CSMD1: variants seen among roughly 807,000 people sequenced by gnomAD.
CSMD1 encodes the protein CUB and Sushi multiple domains 1.
A neutral mutation model predicts 417.5 loss-of-function variants in CSMD1; 213 were observed. The ratio of observed to expected loss-of-function variants is 0.51; its 90% CI spans 0.46 to 0.57. CSMD1 has a LOEUF of 0.57. Among genes scored for constraint, CSMD1 ranks in the 20% least tolerant of loss-of-function variants. The pLI is 0.00. For missense variants in CSMD1, 6,923 were observed against 4,529.7 expected (o/e 1.53, Z -15.17); for synonymous variants, 2,862 against 1,736.8 (o/e 1.65, Z -16.11).
intron 5 of CSMD1, among the ~76,000 whole-genome samples, chr8:3,965,507 T>G (rs892631904): frequency 3.3e-5 from 5 of 152,186 alleles, no homozygotes; most frequent in Non-Finnish European, 5.9e-5. Context: ...GTTGAAAAAC[T>G]ATGGTTCGGC....
intron 49 of CSMD1, among the ~76,000 whole-genome samples, chr8:3,086,464 T>C (rs906202161): frequency 6.6e-6 from 1 of 152,154 alleles, no homozygotes; most frequent in Admixed American, 6.5e-5. Flanking sequence ...ATATGAGCTT[T>C]CACTCATAAA....
At chr8:4,156,426 G>C (rs1284015953) in intron 3 of CSMD1, among the ~76,000 whole-genome samples, 4 of 152,126 alleles carry the variant, frequency 2.6e-5, no homozygotes, top group African/African-American at 4.8e-5. Flanking sequence ...GTACTGACTT[G>C]AGAAAGAAAG....
At chr8:3,384,714 AT>A (rs1360271041) in intron 18 of CSMD1, among the ~76,000 whole-genome samples, 1 of 63,518 alleles carries the variant, frequency 1.6e-5, no homozygotes, top group African/African-American at 7.9e-5. Flanking sequence ...ATATAAATAT[AT>A]TTATAATATT....
chr8:3,015,894 G>C (rs1563239931), intron 52 of CSMD1, among the ~76,000 whole-genome samples: 1 of 152,168 alleles, frequency 6.6e-6, no homozygotes, highest in African/African-American at 2.4e-5. Flanking sequence ...TAGCCAGGCA[G>C]AACTAAGGCA....
intron 7 of CSMD1, among the ~76,000 whole-genome samples, chr8:3,700,087 G>C (rs374258203): frequency 6.6e-6 from 1 of 152,064 alleles, no homozygotes; most frequent in African/African-American, 2.4e-5. Flanking sequence ...ATGATACAAA[G>C]GGCTCTGTGG....
intron 24 of CSMD1, 149 bp downstream of exon 24, chr8:3,308,163 G>GACA: frequency 1.5e-6 from 1 of 649,622 alleles, no homozygotes; most frequent in Non-Finnish European, 2.6e-6. Context: ...CACACTCACA[G>GACA]ACACGTGCAA....
chr8:4,006,396 T>C (rs1749395333), intron 4 of CSMD1, among the ~76,000 whole-genome samples: 2 of 152,042 alleles, frequency 1.3e-5, no homozygotes, highest in Admixed American at 1.3e-4. Flanking sequence ...ATACAAAAAA[T>C]AGCTGGGTGT....
chr8:4,571,893 T>C (rs957792338), intron 2 of CSMD1, among the ~76,000 whole-genome samples: 4 of 152,218 alleles, frequency 2.6e-5, no homozygotes, highest in Non-Finnish European at 5.9e-5. Flanking sequence ...CTTGTCTTTT[T>C]GGATCTTTGT....
At chr8:3,556,140 C>G (rs1799130851) in intron 10 of CSMD1, among the ~76,000 whole-genome samples, 1 of 151,974 alleles carries the variant, frequency 6.6e-6, no homozygotes, top group Non-Finnish European at 1.5e-5. Context: ...AACAGAGGAA[C>G]TATTCAGAAT....
chr8:4,580,366 G>A (rs931569151), intron 2 of CSMD1, among the ~76,000 whole-genome samples: 5 of 152,022 alleles, frequency 3.3e-5, no homozygotes, highest in African/African-American at 4.8e-5. Context: ...CATTTTCATC[G>A]CAGTGTTGAC....
chr8:3,767,861 T>C (rs139996000), intron 5 of CSMD1, among the ~76,000 whole-genome samples: 201 of 152,268 alleles, frequency 1.3e-3, no homozygotes, highest in African/African-American at 4.6e-3. Context: ...GATAAATAAA[T>C]ACGTCTATTT....
intron 1 of CSMD1, among the ~76,000 whole-genome samples, chr8:4,667,336 G>C (rs1267547928): frequency 6.6e-6 from 1 of 151,844 alleles, no homozygotes; most frequent in African/African-American, 2.4e-5. Flanking sequence ...GGCCATTCTA[G>C]ATTCTCTGCT....
intron 1 of CSMD1, among the ~76,000 whole-genome samples, chr8:4,724,413 C>G (rs1326045111): frequency 6.6e-6 from 1 of 151,834 alleles, no homozygotes; most frequent in African/African-American, 2.4e-5. Flanking sequence ...AAAGTAAAAT[C>G]AGACTTAAAT....
At chr8:4,687,808 C>A (rs576078334) in intron 1 of CSMD1, among the ~76,000 whole-genome samples, 1 of 146,172 alleles carries the variant, frequency 6.8e-6, no homozygotes, top group East Asian at 2.1e-4. Flanking sequence ...CATGCACAGA[C>A]AGATACACAC....
At chr8:4,553,623 T>G (rs1585241043) in intron 2 of CSMD1, among the ~76,000 whole-genome samples, 1 of 152,160 alleles carries the variant, frequency 6.6e-6, no homozygotes, top group African/African-American at 2.4e-5. Context: ...CCAGCTTAGC[T>G]CTACCAATAT....
intron 3 of CSMD1, among the ~76,000 whole-genome samples, chr8:4,305,305 G>C (rs1025385550): frequency 4.6e-5 from 7 of 152,250 alleles, no homozygotes; most frequent in Non-Finnish European, 7.3e-5. Context: ...CGCTAGGAGA[G>C]AGTCAGGCCG....
chr8:3,563,358 T>C (rs904504869), intron 10 of CSMD1, among the ~76,000 whole-genome samples: 9 of 150,726 alleles, frequency 6.0e-5, no homozygotes, highest in African/African-American at 2.2e-4. Context: ...TCATTACTAT[T>C]GTATTTAAGT....
Position 3,732,955 on chromosome 8 carries a change from TTACC to T in CSMD1, c.931+20971_931+20974del, listed in dbSNP as rs1796341141. Among the ~76,000 whole-genome samples the T allele has an allele frequency of 2.6e-5, 4 of 152,134 alleles. 1 individual carries two copies. The highest frequency in any genetic ancestry group is 4.8e-5 in the African/African-American group (2 of 41,414). On this transcript the variant is annotated intron_variant, in intron 6 of 69. Transcript: ENST00000635120. ...ATCTATCCATTATCTATCTATCTAC[TTACC>T]TACCTACCTATCTACCAACCTACCT... is the stretch of plus-strand genomic sequence containing the variant.
chr8:4,062,317 A>G (rs1318190203), intron 3 of CSMD1, among the ~76,000 whole-genome samples: 1 of 152,034 alleles, frequency 6.6e-6, no homozygotes, highest in African/African-American at 2.4e-5. Context: ...GGACTTCTAA[A>G]TAATATGGTC....
Sources: allele counts gnomAD v4.1 joint callset (sites outside exome capture counted in the v4.1 genomes callset), GRCh38; gene constraint gnomAD v4.1.1; transcripts MANE v1.5; gene names NCBI Gene and HGNC (gene_info 2026-07-23, HGNC 2026-07-21).